The following PDE1C variants were observed in gnomAD, a reference collection of about 807,000 sequenced individuals.
PDE1C encodes the protein phosphodiesterase 1C.
In PDE1C, 62 loss-of-function variants were observed where a neutral mutation model predicts 93.1. The ratio of observed to expected loss-of-function variants is 0.67; its 90% CI spans 0.54 to 0.82. The LOEUF (loss-of-function observed/expected upper bound fraction) is 0.82, where lower values mean the gene tolerates loss of function less well. Ranked by LOEUF, PDE1C falls within the 40% of genes least tolerant of loss-of-function variation. The pLI is 0.00. For missense variants in PDE1C, 742 were observed against 884.6 expected, an observed-to-expected ratio of 0.84 and a Z score of 2.04; for synonymous variants, 325 against 310.1, an observed-to-expected ratio of 1.05 and a Z score of -0.50.
chr7:31,896,320 T>C (rs1799321833), intron 2 of PDE1C, among the ~76,000 whole-genome samples: 1 of 152,106 alleles, frequency 6.6e-6, no homozygotes, highest in African/African-American at 2.4e-5. Flanking sequence ...TGCACAGTAG[T>C]TGGGAAGACA....
intron 3 of PDE1C, among the ~76,000 whole-genome samples, chr7:32,142,077 A>C (rs560489134): frequency 6.6e-6 from 1 of 152,202 alleles, no homozygotes; most frequent in Admixed American, 6.5e-5. Context: ...GGGAATGAAA[A>C]GTAGGTTATG....
intron 1 of PDE1C, among the ~76,000 whole-genome samples, chr7:32,361,458 A>T (rs1784134599): frequency 6.6e-6 from 1 of 152,162 alleles, no homozygotes; most frequent in South Asian, 2.1e-4. Context: ...CTTCTTTATT[A>T]CATTTGCTAG....
intron 2 of PDE1C, among the ~76,000 whole-genome samples, chr7:31,962,054 T>C (rs1239027531): frequency 1.3e-5 from 2 of 152,208 alleles, no homozygotes; most frequent in Non-Finnish European, 2.9e-5. Context: ...CTATCTATAA[T>C]GTCCAGAGTT....
intron 2 of PDE1C, among the ~76,000 whole-genome samples, chr7:32,003,750 C>T (rs2058546): frequency 0.39 from 58,881 of 151,946 alleles, 11,731 homozygotes; most frequent in African/African-American, 0.43. Context: ...CATTCATGTT[C>T]TAGGAACTGT....
intron 3 of PDE1C, among the ~76,000 whole-genome samples, chr7:32,120,588 C>T (rs912312003): frequency 1.3e-5 from 2 of 152,062 alleles, no homozygotes; most frequent in African/African-American, 4.8e-5. Context: ...AGGGGTGAAC[C>T]AGATGAATAG....
At chr7:32,011,517 A>C (rs759111130) in intron 2 of PDE1C, among the ~76,000 whole-genome samples, 21 of 152,232 alleles carry the variant, frequency 1.4e-4, no homozygotes, top group Non-Finnish European at 2.2e-4. Context: ...AAATGAGCAA[A>C]GGATTTAAAC....
At chr7:32,234,814 A>G (rs1194001978) in intron 1 of PDE1C, among the ~76,000 whole-genome samples, 2 of 152,034 alleles carry the variant, frequency 1.3e-5, no homozygotes, top group African/African-American at 4.8e-5. Context: ...AGACAGCACA[A>G]AGAGAAAAAC....
At chr7:31,833,955 G>A in intron 11 of PDE1C, among the ~76,000 whole-genome samples, 1 of 152,224 alleles carries the variant, frequency 6.6e-6, no homozygotes, top group African/African-American at 2.4e-5. Context: ...ATGGTTTTGT[G>A]GGCTGGGCCC....
chr7:32,208,275 G>A (rs1232336536), intron 2 of PDE1C, among the ~76,000 whole-genome samples: 2 of 152,086 alleles, frequency 1.3e-5, no homozygotes, highest in African/African-American at 4.8e-5. Flanking sequence ...TATACTTTCA[G>A]CTTTATGTAA....
chr7:32,342,304 C>T (rs1243841672), intron 1 of PDE1C, among the ~76,000 whole-genome samples: 2 of 152,170 alleles, frequency 1.3e-5, no homozygotes, highest in Non-Finnish European at 2.9e-5. Context: ...TGTTCAATCC[C>T]TCTCTGAAGA....
intron 16 of PDE1C, among the ~76,000 whole-genome samples, chr7:31,791,064 T>C (rs1251797674): frequency 2.0e-5 from 3 of 152,152 alleles, no homozygotes; most frequent in Non-Finnish European, 2.9e-5. Flanking sequence ...AACACTATTA[T>C]CTACAGAGAT....
intron 2 of PDE1C, among the ~76,000 whole-genome samples, chr7:31,923,177 T>C (rs1054444974): frequency 3.3e-5 from 5 of 152,158 alleles, no homozygotes; most frequent in Non-Finnish European, 7.3e-5. Context: ...CCAGAATCAA[T>C]CATTCCAATG....
the PDE1C span, among the ~76,000 whole-genome samples, chr7:31,635,689 C>A: frequency 6.6e-6 from 1 of 151,902 alleles, no homozygotes; most frequent in African/African-American, 2.4e-5. Context: ...AAGAAATACC[C>A]AAGACTGGGT....
In PDE1C at chr7:31,966,055, G is replaced by A. The variant is rs981713186; in HGVS notation, c.129-85195C>T. On this transcript the variant is annotated intron_variant, in intron 2 of 17. Coordinates refer to ENST00000396191, the MANE Select transcript of PDE1C (RefSeq NM_001191057.4). ...CTAGGAAGAAACTGCATCAACTAAC[G>A]AGCAAAATGACCAGCTAACATCATA... 4.6e-5 allele frequency among the ~76,000 whole-genome samples: 7 copies of A among 152,208 alleles called. No individual in the cohort carries two copies. In the South Asian group the frequency reaches 6.2e-4, roughly 14 times the overall value.
chr7:32,065,610 T>C (rs1197044499), intron 1 of PDE1C, among the ~76,000 whole-genome samples: 1 of 152,192 alleles, frequency 6.6e-6, no homozygotes, highest in East Asian at 1.9e-4. Context: ...CTTAGCAAAC[T>C]GACTGGCACC....
intron 1 of PDE1C, among the ~76,000 whole-genome samples, chr7:32,242,297 G>A (rs781205060): frequency 2.6e-5 from 4 of 152,176 alleles, no homozygotes; most frequent in African/African-American, 7.2e-5. Flanking sequence ...TCAAGAATTC[G>A]GAGTTCCCAG....
chr7:32,381,677 T>C (rs940734559), intron 1 of PDE1C, among the ~76,000 whole-genome samples: 1 of 152,202 alleles, frequency 6.6e-6, no homozygotes, highest in Non-Finnish European at 1.5e-5. Context: ...TCAAGTCTCT[T>C]AGGCAGAGAG....
intron 2 of PDE1C, among the ~76,000 whole-genome samples, chr7:31,947,720 C>T (rs1469374177): frequency 1.3e-5 from 2 of 152,212 alleles, no homozygotes; most frequent in African/African-American, 4.8e-5. Flanking sequence ...TCAGCAGTCA[C>T]TCAAAATATT....
chr7:32,205,727 A>G (rs1355570569), intron 2 of PDE1C, among the ~76,000 whole-genome samples: 2 of 152,140 alleles, frequency 1.3e-5, no homozygotes, highest in Non-Finnish European at 2.9e-5. Context: ...TGTAACACTC[A>G]TTCTGCAGTT....
Sources: gnomAD v4.1 joint callset for allele counts (sites outside exome capture counted in the v4.1 genomes callset) on GRCh38, gnomAD v4.1.1 for gene constraint, MANE v1.5 for transcripts, NCBI Gene and HGNC (gene_info 2026-07-23, HGNC 2026-07-21) for gene names.